Variants in PCDHGA2 observed in about 807,000 individuals in gnomAD.
PCDHGA2 encodes the protein protocadherin gamma-A2.
A neutral mutation model predicts 59.2 loss-of-function variants in PCDHGA2; 40 were observed. The observed-to-expected ratio is 0.68, with a 90% CI of 0.52 to 0.88. The LOEUF (loss-of-function observed/expected upper bound fraction) is 0.88. PCDHGA2 is among the 40% of genes least tolerant of loss of function. The pLI is 0.00. For missense variants in PCDHGA2, 1,226 were observed against 1,204.0 expected (o/e 1.02, Z -0.27); for synonymous variants, 560 against 526.0 (o/e 1.06, Z -0.89).
intron 1 of PCDHGA2, among the ~76,000 whole-genome samples, chr5:141,381,944 C>G (rs1777787484): frequency 6.7e-6 from 1 of 149,738 alleles, no homozygotes; most frequent in African/African-American, 2.5e-5. Context: ...ATTTTCCTGC[C>G]TCAGCCTCCT....
At chr5:141,390,867 CGTGTGTGTGT>C (rs61319619) in intron 1 of PCDHGA2, 1 of 151,040 alleles carries the variant, frequency 6.6e-6, no homozygotes, top group African/African-American at 2.5e-5. Context: ...GCTGTGTGTG[CGTGTGTGTGT>C]GTGTGTGTGT....
At chr5:141,415,740 GTT>G (rs57426385) in intron 1 of PCDHGA2, 13,277 of 614,848 alleles carry the variant, frequency 0.022, 3 homozygotes, top group South Asian at 0.023. Context: ...GTTTATTAAG[GTT>G]TTTTTTTTTT....
chr5:141,455,983 C>T (rs542017964), intron 1 of PCDHGA2, among the ~76,000 whole-genome samples: 23 of 151,546 alleles, frequency 1.5e-4, no homozygotes, highest in African/African-American at 5.1e-4. Context: ...CTGCAAGCTC[C>T]GCCTCTCGGG....
rs756237595 is a variant in PCDHGA2, at chr5:141,398,946, C to T, written c.2424+57551C>T. The T allele has an allele frequency of 1.9e-6, 3 of 1,613,830 alleles. No individual in the cohort carries two copies. The Admixed American group carries it at 5.0e-5, about 27-fold the overall frequency. ...CAGCCACTGACCAAGACGAGGGCAT[C>T]AACTCAGAAATTACTTATTCCTTCT... On this transcript the variant is annotated intron_variant, in intron 1 of 3. Coordinates refer to ENST00000394576, the MANE Select transcript of PCDHGA2 (RefSeq NM_018915.4).
chr5:141,510,448 C>T (rs1339979584), intron 3 of PCDHGA2, among the ~76,000 whole-genome samples: 1 of 152,016 alleles, frequency 6.6e-6, no homozygotes, highest in Non-Finnish European at 1.5e-5. Context: ...TCCAGGAGCC[C>T]ATGGTCTAGT....
intron 1 of PCDHGA2, chr5:141,352,573 TC>T: frequency 1.2e-6 from 2 of 1,613,874 alleles, no homozygotes; most frequent in Non-Finnish European, 8.5e-7. Flanking sequence ...CGGAAATGGC[TC>T]CCCCTCAGGA....
chr5:141,339,921 T>C lies in PCDHGA2; in HGVS notation c.950T>C (p.Ile317Thr). Reference protein sequence around the residue: ...LDYEDATFHEIDIEAQDGPGL... With the variant: ...LDYEDATFHETDIEAQDGPGL... ...TATGAGGATGCTACATTCCATGAAA[T>C]TGATATTGAAGCTCAGGATGGTCCG... The change falls in exon 1 of 4, where the codon ATT becomes ACT. Residue 317 changes from isoleucine (I) to threonine (T), a missense_variant. By Grantham distance (89) the Ile-to-Thr change is moderately conservative (BLOSUM62 -1). Coordinates refer to ENST00000394576, the MANE Select transcript of PCDHGA2 (RefSeq NM_018915.4). 6.2e-7 allele frequency: 1 copy of C among 1,614,100 alleles called. No homozygotes were observed. The highest frequency in any genetic ancestry group is 8.5e-7 in the Non-Finnish European group (1 of 1,180,000).
intron 1 of PCDHGA2, chr5:141,399,680 A>G (rs1182095574): frequency 1.2e-6 from 2 of 1,613,514 alleles, no homozygotes; most frequent in East Asian, 2.2e-5. Context: ...GCCTTTGACT[A>G]CGAGCAGCTG....
rs756476818 is a variant in PCDHGA2 at position 141,431,027 on chromosome 5, A to G, written c.2425-63780A>G. The G allele has an allele frequency of 6.2e-6, 10 of 1,614,034 alleles. No homozygotes were observed. The highest frequency in any genetic ancestry group is 1.1e-5 in the South Asian group (1 of 91,078). On this transcript the variant is annotated intron_variant, in intron 1 of 3. Coordinates refer to ENST00000394576, the MANE Select transcript of PCDHGA2 (RefSeq NM_018915.4). This position sits in a 1 kb window ranked among gnomAD's most constrained non-coding sequence, Gnocchi z 4.8. ...CGGCAGCTTGGTCACGGCGGGCAGG[A>G]TAGACCGGGAGGAGCTCTGTATGGG...
chr5:141,370,383 G>T, intron 1 of PCDHGA2: 2 of 1,533,714 alleles, frequency 1.3e-6, no homozygotes, highest in African/African-American at 1.4e-5. Flanking sequence ...AGGCAAAGGC[G>T]CAGAGAGCGG....
At chr5:141,384,283 G>T (rs762515266) in intron 1 of PCDHGA2, 17 of 1,613,644 alleles carry the variant, frequency 1.1e-5, no homozygotes, top group Admixed American at 1.7e-5. Flanking sequence ...AGTCTACATC[G>T]CTGAGAACAA....
At chr5:141,398,121 A>C (rs554777335) in intron 1 of PCDHGA2, 28 of 1,590,306 alleles carry the variant, frequency 1.8e-5, no homozygotes, top group Admixed American at 3.6e-5. Context: ...TGAGGAGAGC[A>C]AGAGGGATGG....
chr5:141,508,527 GCACC>G (rs2099869479), intron 3 of PCDHGA2, among the ~76,000 whole-genome samples: 1 of 152,104 alleles, frequency 6.6e-6, no homozygotes, highest in Non-Finnish European at 1.5e-5. Flanking sequence ...CAACCTCAGG[GCACC>G]CCCCACGAGG....
chr5:141,418,246 C>T lies in PCDHGA2; in HGVS notation c.2425-76561C>T, dbSNP rs200526306. 4.5e-5 allele frequency: 72 copies of T among 1,614,020 alleles called. No individual in the cohort carries two copies. The African/African-American group carries it at 8.9e-4, about 20-fold the overall frequency. On this transcript the variant is annotated intron_variant, in intron 1 of 3. Coordinates refer to ENST00000394576, the MANE Select transcript of PCDHGA2 (RefSeq NM_018915.4). The stretch of plus-strand genomic sequence containing the variant: ...TGGTGATTGAGGATGTTAATGACCA[C>T]GCCCCTCAATTCCGGAAAGATGAAA...
intron 1 of PCDHGA2, among the ~76,000 whole-genome samples, chr5:141,462,030 T>C (rs1283795051): frequency 3.9e-5 from 6 of 152,122 alleles, no homozygotes; most frequent in Non-Finnish European, 8.8e-5. Flanking sequence ...TTCATGTTGG[T>C]CAGGCGGGTC....
chr5:141,361,472 A>G (rs1480148367), intron 1 of PCDHGA2: 2 of 1,613,906 alleles, frequency 1.2e-6, no homozygotes, highest in Admixed American at 1.7e-5. Context: ...TCCGACGTCA[A>G]CGATAATGCC....
At position 141,437,741 on chromosome 5, in the gene PCDHGA2, C is replaced by CTT. The variant is rs35124340; in HGVS notation, c.2425-57052_2425-57051dup. 4.3e-3 allele frequency among the ~76,000 whole-genome samples: 606 copies of CTT among 141,726 alleles called. 5 individuals are homozygous for CTT. The highest frequency in any genetic ancestry group is 0.012 in the Admixed American group (164 of 14,230). 93.0% of individuals were successfully genotyped at this position (141,726 alleles called of 152,430 possible). A position where few individuals can be genotyped will look rare whatever the true frequency, so the allele number is the denominator to read the frequency against. On this transcript the variant is annotated intron_variant, in intron 1 of 3. Transcript: ENST00000394576. ...CTCTAATGTTACACTTTGAGTTCAC[C>CTT]TTTTTTTTTTTTTTTGAGACAGAGT...
In PCDHGA2 at chr5:141,340,188, C is replaced by A. The variant is rs1028591155; in HGVS notation, c.1217C>A (p.Thr406Lys). ...GTAGACAATTACTACCGACTGGTTACAACCAGAGCCCTTGACAGGGAACAG... is the reference window on the plus strand; with the variant it reads ...GTAGACAATTACTACCGACTGGTTAAAACCAGAGCCCTTGACAGGGAACAG... ...KSVDNYYRLV[T>K]TRALDREQFS... is the part of the protein sequence containing the mutation. Residue 406 changes from threonine (T) to lysine (K), a missense_variant, in exon 1 of 4, where the codon ACA (threonine) becomes AAA (lysine). Coordinates refer to ENST00000394576, the MANE Select transcript of PCDHGA2 (RefSeq NM_018915.4). 6.2e-6 allele frequency: 10 copies of A among 1,613,992 alleles called. No homozygotes were observed. The highest frequency in any genetic ancestry group is 1.1e-5 in the South Asian group (1 of 91,092).
chr5:141,430,790 A>G, intron 1 of PCDHGA2: 1 of 1,516,892 alleles, frequency 6.6e-7, no homozygotes, highest in South Asian at 1.3e-5. Context: ...CCGGGACTAC[A>G]AAGGGCTTGT....
Sources: allele counts gnomAD v4.1 joint callset (sites outside exome capture counted in the v4.1 genomes callset), GRCh38; gene constraint gnomAD v4.1.1; non-coding constraint Gnocchi (gnomAD v3.1); transcripts MANE v1.5; gene names NCBI Gene and HGNC (gene_info 2026-07-23, HGNC 2026-07-21).